The following LONRF1 variants were observed in gnomAD, a reference collection of about 807,000 sequenced individuals.
LONRF1 encodes LON peptidase N-terminal domain and RING finger protein 1.
LONRF1 carries 37 observed loss-of-function variants against 85.8 expected under a neutral mutation model. That is an observed-to-expected ratio of 0.43 (90% CI 0.33 to 0.57). The LOEUF (loss-of-function observed/expected upper bound fraction) is 0.57, where lower values mean the gene tolerates loss of function less well. Among genes scored for constraint, LONRF1 ranks in the 20% least tolerant of loss-of-function variants. The pLI is 0.04. For synonymous variants in LONRF1, 517 were observed against 390.1 expected, an observed-to-expected ratio of 1.33 and a Z score of -3.83; for missense variants, 1,036 against 978.0, an observed-to-expected ratio of 1.06 and a Z score of -0.79.
intron 1 of LONRF1, among the ~76,000 whole-genome samples, chr8:12,748,906 T>C (rs1004413349): frequency 5.9e-5 from 9 of 152,060 alleles, no homozygotes; most frequent in Middle Eastern, 3.2e-3. Context: ...CTGTTGATCA[T>C]TGATTAAGAA....
rs2117260891 is a variant in LONRF1 at position 12,733,991 on chromosome 8, G to C, written c.1566+1295C>G. 2.0e-5 allele frequency among the ~76,000 whole-genome samples: 3 copies of C among 152,144 alleles called. No homozygotes were observed. The South Asian group carries it at 6.2e-4, about 32-fold the overall frequency. On this transcript the variant is annotated intron_variant, in intron 7 of 11. Transcript: ENST00000398246. The stretch of plus-strand genomic sequence containing the variant: ...TCAATCTCCAGACATTTTTTAAAGA[G>C]GGAATATCCCTAATCAAAGCAATAG...
At chr8:12,727,090 G>A (rs1441613454) in intron 10 of LONRF1, 1 of 144,452 alleles carries the variant, frequency 6.9e-6, no homozygotes, top group African/African-American at 2.5e-5. Flanking sequence ...ATTGATAGGA[G>A]CAAGAAACAA....
intron 10 of LONRF1, among the ~76,000 whole-genome samples, chr8:12,727,493 T>C (rs889923137): frequency 2.0e-5 from 3 of 151,662 alleles, no homozygotes; most frequent in Non-Finnish European, 4.4e-5. Flanking sequence ...TGAGAAAAGA[T>C]TACTAGACAT....
intron 7 of LONRF1, among the ~76,000 whole-genome samples, chr8:12,734,172 G>A (rs969943641): frequency 3.9e-5 from 6 of 152,144 alleles, no homozygotes; most frequent in African/African-American, 1.4e-4. Flanking sequence ...GAGCATATTA[G>A]CTAAAAATGT....
At chr8:12,743,303 G>C in intron 1 of LONRF1, 21 bp from the exon 2 acceptor site, 4 of 1,312,888 alleles carry the variant, frequency 3.0e-6, no homozygotes, top group Non-Finnish European at 4.3e-6. Context: ...TATTTTATAA[G>C]GATATGATTA....
chr8:12,738,381 G>C (rs1049946089), intron 3 of LONRF1, among the ~76,000 whole-genome samples: 2 of 151,988 alleles, frequency 1.3e-5, no homozygotes, highest in African/African-American at 4.8e-5. Context: ...GGAAAGCATG[G>C]GAGTAGTAAG....
At chr8:12,734,305 A>T (rs1396936169) in intron 7 of LONRF1, among the ~76,000 whole-genome samples, 1 of 152,256 alleles carries the variant, frequency 6.6e-6, no homozygotes, top group Non-Finnish European at 1.5e-5. Context: ...AAATGTAATA[A>T]CAGACATGCT....
At chr8:12,735,101 C>T (rs1798668484) in intron 7 of LONRF1, among the ~76,000 whole-genome samples, 185 bp downstream of exon 7, 1 of 152,090 alleles carries the variant, frequency 6.6e-6, no homozygotes, top group African/African-American at 2.4e-5. Flanking sequence ...TTCTTTCTCC[C>T]CATCCTCTTC....
chr8:12,729,477 T>C, intron 8 of LONRF1, 145 bp from the exon 9 acceptor site: 1 of 764,144 alleles, frequency 1.3e-6, no homozygotes, highest in Non-Finnish European at 2.1e-6. Context: ...TTTTTATTCT[T>C]GGCAAGAACA....
At chr8:12,747,371 G>T (rs892125026) in intron 1 of LONRF1, among the ~76,000 whole-genome samples, 1 of 152,048 alleles carries the variant, frequency 6.6e-6, no homozygotes, top group African/African-American at 2.4e-5. Context: ...TCACCTTCAA[G>T]AAAGTTTTTT....
intron 7 of LONRF1, 128 bp from the exon 8 acceptor site, chr8:12,731,985 G>C (rs1205697588): frequency 3.5e-6 from 3 of 867,698 alleles, no homozygotes; most frequent in Admixed American, 2.7e-5. Context: ...TAATTAGTGA[G>C]GGGAACATTA....
intron 1 of LONRF1, among the ~76,000 whole-genome samples, chr8:12,748,316 A>T (rs893132338): frequency 2.0e-5 from 3 of 152,098 alleles, no homozygotes; most frequent in African/African-American, 7.2e-5. Context: ...TAGATACTCC[A>T]GCCTCAGTAG....
intron 3 of LONRF1, among the ~76,000 whole-genome samples, chr8:12,740,113 A>T (rs963817020): frequency 6.6e-6 from 1 of 152,208 alleles, no homozygotes; most frequent in South Asian, 2.1e-4. Flanking sequence ...TCTGACAAAA[A>T]GCCACACTCT....
At chr8:12,754,184 G>A (rs1384021830) in intron 1 of LONRF1, 1 of 152,278 alleles carries the variant, frequency 6.6e-6, no homozygotes, top group Non-Finnish European at 1.5e-5. Context: ...GTTCCCAATT[G>A]TCCCGGTGAC....
intron 10 of LONRF1, chr8:12,727,135 T>TTG (rs1438714479): frequency 6.6e-6 from 1 of 150,730 alleles, no homozygotes; most frequent in East Asian, 1.9e-4. Flanking sequence ...TTTTTTTTTT[T>TTG]TTAAAGCATC....
At chr8:12,731,943 T>C in intron 7 of LONRF1, 86 bp from the exon 8 acceptor site, 1 of 1,219,234 alleles carries the variant, frequency 8.2e-7, no homozygotes, top group Non-Finnish European at 1.2e-6. Flanking sequence ...TATTAAAGCC[T>C]TTATTACATA....
At chr8:12,753,712 C>G (rs533503027) in intron 1 of LONRF1, 2 of 152,230 alleles carry the variant, frequency 1.3e-5, no homozygotes, top group Non-Finnish European at 2.9e-5. Context: ...GTAAGAGAAG[C>G]TTGAAACTGC....
chr8:12,728,798 T>C (rs1798418332), intron 10 of LONRF1, 103 bp downstream of exon 10: 3 of 1,287,780 alleles, frequency 2.3e-6, no homozygotes, highest in Non-Finnish European at 3.3e-6. Flanking sequence ...TAAGGCTGTC[T>C]GATAAGAACT....
At chr8:12,724,989 C>A (rs1009572294) in intron 11 of LONRF1, among the ~76,000 whole-genome samples, 1 of 152,184 alleles carries the variant, frequency 6.6e-6, no homozygotes, top group Non-Finnish European at 1.5e-5. Context: ...GACAGCCATT[C>A]CTTTGTAAAA....
Sources: gnomAD v4.1 joint callset for allele counts (sites outside exome capture counted in the v4.1 genomes callset) on GRCh38, gnomAD v4.1.1 for gene constraint, MANE v1.5 for transcripts, NCBI Gene and HGNC (gene_info 2026-07-23, HGNC 2026-07-21) for gene names.